PCDHA11: variants seen among roughly 807,000 people sequenced by gnomAD.
PCDHA11 encodes the protein protocadherin alpha-11.
A neutral mutation model predicts 70.3 loss-of-function variants in PCDHA11; 61 were observed. That is an observed-to-expected ratio of 0.87 (90% CI 0.71 to 1.07). PCDHA11 has a LOEUF of 1.07. Among genes scored for constraint, PCDHA11 ranks in the 50% least tolerant of loss-of-function variants. The probability of loss-of-function intolerance (pLI) is 0.00; values close to 1 mark genes in which losing one functional copy is unlikely to be tolerated. For synonymous variants in PCDHA11, 633 were observed against 555.1 expected (o/e 1.14, Z -1.97); for missense variants, 1,324 against 1,237.5 (o/e 1.07, Z -1.05).
At chr5:140,983,588 C>T (rs530448589) in intron 3 of PCDHA11, among the ~76,000 whole-genome samples, 2 of 152,270 alleles carry the variant, frequency 1.3e-5, no homozygotes, top group East Asian at 3.9e-4. Flanking sequence ...TACATCTATT[C>T]TACATATGAG....
Position 140,929,287 on chromosome 5 carries a change from C to T in PCDHA11, c.2392-49662C>T, listed in dbSNP as rs782325052. On this transcript the variant is annotated intron_variant, in intron 1 of 3. Transcript: ENST00000398640. The stretch of plus-strand genomic sequence containing the variant: ...TTTGCCAATATCCTGTATTCAGATT[C>T]GGAATAGGAAAGGGGATCACGCTAA... 13 of 1,598,668 alleles carry T rather than the reference C, an allele frequency of 8.1e-6. No homozygotes were observed. In the East Asian group the frequency reaches 2.5e-4, roughly 30 times the overall value.
intron 1 of PCDHA11, among the ~76,000 whole-genome samples, chr5:140,889,062 T>C (rs1463008573): frequency 1.3e-5 from 2 of 152,052 alleles, no homozygotes; most frequent in African/African-American, 2.4e-5. Context: ...CCTTTTAATA[T>C]ACTACTTATT....
At position 140,932,324 on chromosome 5, in the gene PCDHA11, A is replaced by C. The variant is rs188019504; in HGVS notation, c.2392-46625A>C. On this transcript the variant is annotated intron_variant, in intron 1 of 3. Coordinates refer to ENST00000398640, the MANE Select transcript of PCDHA11 (RefSeq NM_018902.5). Reference sequence around the variant, plus strand: ...AAAGGTATAAATATATTAATGTAGCAAAAATGCATGAAACACTTACCATAC... The same window carrying C: ...AAAGGTATAAATATATTAATGTAGCCAAAATGCATGAAACACTTACCATAC... Among the ~76,000 whole-genome samples the C allele has an allele frequency of 5.8e-3, 886 of 152,084 alleles. 7 individuals are homozygous for C. The highest frequency in any genetic ancestry group is 0.021 in the African/African-American group (858 of 41,564).
Position 140,924,836 on chromosome 5 carries a change from A to G in PCDHA11, c.2391+53342A>G, listed in dbSNP as rs182903893. ...CTTGAACCTGGGAGGGGGAGGTTGC[A>G]GGGAGCTCAGATCGTGCCACTGCAC... On this transcript the variant is annotated intron_variant, in intron 1 of 3. Coordinates refer to ENST00000398640, the MANE Select transcript of PCDHA11 (RefSeq NM_018902.5). Among the ~76,000 whole-genome samples, 1,210 of 151,808 alleles carry G rather than the reference A, an allele frequency of 8.0e-3. 6 individuals carry two copies. Among genetic ancestry groups the G allele is most frequent in the African/African-American group, 0.019 (780 of 41,292 alleles).
intron 1 of PCDHA11, among the ~76,000 whole-genome samples, chr5:140,917,330 A>AGGGGGGGGGGG (rs1425400137): frequency 9.7e-6 from 1 of 103,190 alleles, no homozygotes. Flanking sequence ...GTGGCGGGGG[A>AGGGGGGGGGGG]GGGGGGGGAT....
chr5:140,933,694 C>T (rs782754431), intron 1 of PCDHA11, among the ~76,000 whole-genome samples: 8 of 151,858 alleles, frequency 5.3e-5, no homozygotes, highest in South Asian at 4.1e-4. Flanking sequence ...TCCTATTCCT[C>T]GGACACATTT....
chr5:140,990,195 A>C (rs1030331876), intron 3 of PCDHA11, among the ~76,000 whole-genome samples: 1 of 152,012 alleles, frequency 6.6e-6, no homozygotes, highest in Non-Finnish European at 1.5e-5. Flanking sequence ...CCAAATGTGG[A>C]CCCGAAAGAG....
chr5:140,967,873 C>T lies in PCDHA11; in HGVS notation c.2392-11076C>T, dbSNP rs1554230047. On this transcript the variant is annotated intron_variant, in intron 1 of 3. Transcript: ENST00000398640. ...ATGCCCCAGAGGTGGTGCTCACGGA[C>T]CTGTATAGCCCAGTGCCTGAGAATG... 1.9e-6 allele frequency: 3 copies of T among 1,614,152 alleles called. No homozygotes were observed. In the Admixed American group the frequency reaches 5.0e-5, roughly 27 times the overall value.
At chr5:140,968,231 T>A in intron 1 of PCDHA11, 1 of 1,614,032 alleles carries the variant, frequency 6.2e-7, no homozygotes. Context: ...TGTGTTGCTC[T>A]GTACTGTGCA....
chr5:140,976,413 C>T (rs560298731), intron 1 of PCDHA11, among the ~76,000 whole-genome samples: 2 of 151,978 alleles, frequency 1.3e-5, no homozygotes, highest in African/African-American at 4.8e-5. Flanking sequence ...TAGCCAGGTA[C>T]GGTGGCAGAT....
rs544791644 is a variant in PCDHA11, at chr5:140,937,295, C to G, written c.2392-41654C>G. Among the ~76,000 whole-genome samples the G allele has an allele frequency of 1.0e-3, 157 of 152,202 alleles. 1 individual carries two copies. Among genetic ancestry groups the G allele is most frequent in the Admixed American group, 4.7e-3 (72 of 15,286 alleles). On this transcript the variant is annotated intron_variant, in intron 1 of 3. Transcript: ENST00000398640. ...CTCGTGATTCACCCGCTTCGGCCTC[C>G]CAAAGTGCTGGGATTACAGGCGTGA...
chr5:140,970,018 C>G (rs1383957568), intron 1 of PCDHA11, among the ~76,000 whole-genome samples: 9 of 151,942 alleles, frequency 5.9e-5, no homozygotes, highest in African/African-American at 2.2e-4. Context: ...GATGGTGAGG[C>G]AGAGAGATTA....
rs1554262937 is a variant in PCDHA11 at position 141,010,412 on chromosome 5, G to A, written c.*475G>A. 2.5e-6 allele frequency: 3 copies of A among 1,201,296 alleles called. No homozygotes were observed. Among genetic ancestry groups the A allele is most frequent in the Non-Finnish European group, 3.4e-6 (3 of 885,080 alleles). 74.4% of individuals were successfully genotyped at this position (1,201,296 alleles called of 1,614,324 possible). On this transcript the variant is annotated 3_prime_UTR_variant, in exon 4 of 4. Coordinates refer to ENST00000398640, the MANE Select transcript of PCDHA11 (RefSeq NM_018902.5). ...GAGACGAGCCAGCTTAGACTAATTG[G>A]TACAAGGAAGGCAAGAAAACAAAGA...
intron 1 of PCDHA11, among the ~76,000 whole-genome samples, chr5:140,937,239 G>C (rs1331547271): frequency 2.0e-5 from 3 of 151,804 alleles, no homozygotes; most frequent in African/African-American, 7.3e-5. Context: ...GGGTTTCACC[G>C]TGTTAGCCAG....
intron 1 of PCDHA11, among the ~76,000 whole-genome samples, chr5:140,881,835 G>A (rs1048266615): frequency 2.6e-5 from 4 of 152,124 alleles, no homozygotes; most frequent in Non-Finnish European, 5.9e-5. Context: ...AGTTCTGCAT[G>A]GAATTCTTAC....
At position 141,011,939 on chromosome 5, in the gene PCDHA11, A is replaced by T. The variant is rs955936849; in HGVS notation, c.*2002A>T. 5 of 153,690 alleles carry T rather than the reference A, an allele frequency of 3.3e-5. No individual in the cohort carries two copies. The highest frequency in any genetic ancestry group is 1.2e-4 in the African/African-American group (5 of 41,448). The allele number at this position is 153,690 out of a possible 1,614,324, so 9.5% of individuals were successfully genotyped here. A position where few individuals can be genotyped will look rare whatever the true frequency, so the allele number is the denominator to read the frequency against. On this transcript the variant is annotated 3_prime_UTR_variant, in exon 4 of 4. Coordinates refer to ENST00000398640, the MANE Select transcript of PCDHA11 (RefSeq NM_018902.5). ...TAAAAGAGGTAGGAGTCTGTTATTT[A>T]AAAAAAGCATTAAATTTAAAAAAAA...
chr5:140,905,130 GT>G (rs1448449678), intron 1 of PCDHA11, among the ~76,000 whole-genome samples: 11 of 152,178 alleles, frequency 7.2e-5, no homozygotes, highest in African/African-American at 2.7e-4. Flanking sequence ...GTCTAGAAGA[GT>G]TTTTCTGCTG....
chr5:140,928,459 T>C (rs2085267166), intron 1 of PCDHA11: 1 of 1,614,106 alleles, frequency 6.2e-7, no homozygotes, highest in Non-Finnish European at 8.5e-7. Flanking sequence ...GGGGTTTCAT[T>C]TCCAAGTAGA....
Sources: allele counts gnomAD v4.1 joint callset (sites outside exome capture counted in the v4.1 genomes callset), GRCh38; gene constraint gnomAD v4.1.1; transcripts MANE v1.5; gene names NCBI Gene and HGNC (gene_info 2026-07-23, HGNC 2026-07-21).